Variants in CRYBB2 observed in about 807,000 individuals in gnomAD.
CRYBB2 encodes the protein crystallin beta B2, also known as beta-crystallin B2.
Under a neutral mutation model 24.3 loss-of-function variants are expected in CRYBB2, and 12 were observed. That is an observed-to-expected ratio of 0.49 (90% CI 0.32 to 0.80). CRYBB2 has a LOEUF of 0.80. Among genes scored for constraint, CRYBB2 ranks in the 30% least tolerant of loss-of-function variants. The probability of loss-of-function intolerance (pLI) is 0.04; values close to 1 mark genes in which losing one functional copy is unlikely to be tolerated. For synonymous variants in CRYBB2, 98 were observed against 101.6 expected (o/e 0.96, Z 0.21); for missense variants, 198 against 268.5 (o/e 0.74, Z 1.83).
intron 2 of CRYBB2, among the ~76,000 whole-genome samples, chr22:25,222,160 C>A (rs1412155937): frequency 6.6e-6 from 1 of 152,224 alleles, no homozygotes; most frequent in African/African-American, 2.4e-5. Context: ...GCTTTGGTAG[C>A]CCCGGGCACA....
chr22:25,223,473 T>G (rs761540698), intron 2 of CRYBB2, among the ~76,000 whole-genome samples: 3 of 152,216 alleles, frequency 2.0e-5, no homozygotes, highest in Non-Finnish European at 4.4e-5. Flanking sequence ...ATGAGGGACC[T>G]GAGGCCCAGA....
intron 4 of CRYBB2, 83 bp downstream of exon 4, chr22:25,228,068 G>A: frequency 6.2e-7 from 1 of 1,601,362 alleles, no homozygotes; most frequent in Non-Finnish European, 8.5e-7. Context: ...CTGGAGGTCT[G>A]GGGACCAGGA....
At position 25,230,156 on chromosome 22, in the gene CRYBB2, T is replaced by G. The variant is rs1446279263; in HGVS notation, c.449+578T>G. ...CAGCTTATACCAGCTTGTAAGAACTTTTTTTTTTTTTTTTAATTGAGACGG... is the reference window on the plus strand; with the variant it reads ...CAGCTTATACCAGCTTGTAAGAACTGTTTTTTTTTTTTTTAATTGAGACGG... On this transcript the variant is annotated intron_variant, in intron 5 of 5. Coordinates refer to ENST00000398215, the MANE Select transcript of CRYBB2 (RefSeq NM_000496.3). Among the ~76,000 whole-genome samples the G allele has an allele frequency of 1.3e-3, 56 of 43,662 alleles. 1 individual carries two copies. Among genetic ancestry groups the G allele is most frequent in the Non-Finnish European group, 1.0e-3 (17 of 16,508 alleles). 28.6% of individuals were successfully genotyped at this position (43,662 alleles called of 152,430 possible).
upstream of CRYBB2, among the ~76,000 whole-genome samples, chr22:25,216,242 G>T (rs552424586): frequency 6.6e-6 from 1 of 152,274 alleles, no homozygotes; most frequent in African/African-American, 2.4e-5. Flanking sequence ...ACCTCAGAAT[G>T]TGACCTTCTA....
At chr22:25,221,988 C>G (rs1935329791) in intron 2 of CRYBB2, among the ~76,000 whole-genome samples, 1 of 152,258 alleles carries the variant, frequency 6.6e-6, no homozygotes. Context: ...CTGGGGTGCG[C>G]ATCCACCTAA....
At chr22:25,218,786 G>GAAAGAA (rs1935254753), upstream of CRYBB2, among the ~76,000 whole-genome samples, 2 of 67,840 alleles carry the variant, frequency 2.9e-5, no homozygotes, top group Non-Finnish European at 5.4e-5. Flanking sequence ...AGAGAAGAAA[G>GAAAGAA]AAAGAAAGAA....
rs755057226 is a variant in CRYBB2 at position 25,221,425 on chromosome 22, C to G, written c.-5C>G. On this transcript the variant is annotated 5_prime_UTR_variant, in exon 2 of 6. Transcript: ENST00000398215. ...CCAGGTCATTCCTGCACAGGACAGT[C>G]CACCATGGCCTCAGATCACCAGACC... The G allele has an allele frequency of 5.0e-6, 8 of 1,613,244 alleles. No individual in the cohort carries two copies. The East Asian group carries it at 1.8e-4, about 36-fold the overall frequency.
chr22:25,218,779 G>GAAAGAAA (rs376967033), upstream of CRYBB2, among the ~76,000 whole-genome samples: 12 of 34,532 alleles, frequency 3.5e-4, no homozygotes, highest in East Asian at 2.1e-3. Flanking sequence ...GAGAGAGAGA[G>GAAAGAAA]AAGAAAGAAA....
At chr22:25,225,327 C>G (rs1265421786) in intron 3 of CRYBB2, among the ~76,000 whole-genome samples, 1 of 152,132 alleles carries the variant, frequency 6.6e-6, no homozygotes, top group Non-Finnish European at 1.5e-5. Flanking sequence ...GGGAGAGGGT[C>G]ATGTGGAAAG....
At chr22:25,218,836 A>AAGAAAGAGAGAG (rs1569016534), upstream of CRYBB2, among the ~76,000 whole-genome samples, 1 of 96,784 alleles carries the variant, frequency 1.0e-5, no homozygotes. Flanking sequence ...GAAAGAAAGA[A>AAGAAAGAGAGAG]AGAGAAAGAA....
upstream of CRYBB2, among the ~76,000 whole-genome samples, chr22:25,218,822 GAA>G (rs1195086979): frequency 7.0e-5 from 8 of 113,686 alleles, no homozygotes; most frequent in East Asian, 2.9e-4. Flanking sequence ...AAGAAAGAAA[GAA>G]AGAAAGAAAG....
At chr22:25,218,735 GGGA>G (rs1935235942), upstream of CRYBB2, among the ~76,000 whole-genome samples, 43 of 41,492 alleles carry the variant, frequency 1.0e-3, 2 homozygotes, top group African/African-American at 2.4e-3. Flanking sequence ...AGAGAGAGAG[GGGA>G]GAGAGAGAGA....
chr22:25,218,006 T>C (rs1469474887), upstream of CRYBB2, among the ~76,000 whole-genome samples: 2 of 151,918 alleles, frequency 1.3e-5, no homozygotes, highest in Non-Finnish European at 2.9e-5. Flanking sequence ...ACGCCTGTAA[T>C]CCCAGCACTT....
At chr22:25,221,562 T>C in intron 2 of CRYBB2, 79 bp downstream of exon 2, 1 of 1,076,454 alleles carries the variant, frequency 9.3e-7, no homozygotes, top group Non-Finnish European at 1.4e-6. Flanking sequence ...GGGCTTGGCA[T>C]CTTTCTTCAT....
upstream of CRYBB2, among the ~76,000 whole-genome samples, chr22:25,218,272 AT>A (rs1227032216): frequency 1.0e-4 from 15 of 144,294 alleles, no homozygotes; most frequent in South Asian, 2.3e-4. Context: ...AAAAAAAAAA[AT>A]AGAAAAGAAA....
chr22:25,221,511 G>A (rs1935320660), intron 2 of CRYBB2, 28 bp downstream of exon 2: 2 of 1,561,238 alleles, frequency 1.3e-6, no homozygotes, highest in Admixed American at 3.3e-5. Context: ...GAGGGGGCAT[G>A]CAATGCTCCT....
At chr22:25,228,204 G>A (rs1195808804) in intron 4 of CRYBB2, among the ~76,000 whole-genome samples, 2 of 147,894 alleles carry the variant, frequency 1.4e-5, no homozygotes, top group African/African-American at 2.5e-5. Context: ...GGGCATATTG[G>A]TATCTACTGT....
intron 3 of CRYBB2, among the ~76,000 whole-genome samples, chr22:25,227,188 C>T (rs1935434111): frequency 6.6e-6 from 1 of 152,228 alleles, no homozygotes. Context: ...CTTCTTCCTT[C>T]TATTTTCTGC....
intron 5 of CRYBB2, among the ~76,000 whole-genome samples, chr22:25,230,813 A>G (rs922971532): frequency 1.3e-5 from 2 of 149,686 alleles, no homozygotes; most frequent in African/African-American, 5.0e-5. Context: ...AGAAGGGGCA[A>G]CTGTAAATAC....
Sources: gnomAD v4.1 joint callset for allele counts (sites outside exome capture counted in the v4.1 genomes callset) on GRCh38, gnomAD v4.1.1 for gene constraint, MANE v1.5 for transcripts, NCBI Gene and HGNC (gene_info 2026-07-23, HGNC 2026-07-21) for gene names.